The following TOGARAM2 variants were observed in gnomAD, a reference collection of about 807,000 sequenced individuals.
TOGARAM2 encodes TOG array regulator of axonemal microtubules protein 2.
TOGARAM2 carries 85 observed loss-of-function variants against 93.3 expected under a neutral mutation model. The ratio of observed to expected loss-of-function variants is 0.91; its 90% CI spans 0.76 to 1.09. TOGARAM2 has a LOEUF of 1.09. TOGARAM2 is among the 50% of genes least tolerant of loss of function. TOGARAM2 has a pLI of 0.00. For synonymous variants in TOGARAM2, 593 were observed against 552.8 expected (o/e 1.07, Z -1.02); for missense variants, 1,277 against 1,334.5 (o/e 0.96, Z 0.67).
chr2:29,021,801 G>A (rs1271551200), intron 10 of TOGARAM2, among the ~76,000 whole-genome samples: 2 of 151,800 alleles, frequency 1.3e-5, no homozygotes, highest in Non-Finnish European at 2.9e-5. Context: ...TGATGGCTCA[G>A]GGGGCCCCAC....
intron 1 of TOGARAM2, among the ~76,000 whole-genome samples, chr2:28,986,696 C>A (rs1672485892): frequency 6.6e-6 from 1 of 152,178 alleles, no homozygotes; most frequent in African/African-American, 2.4e-5. Context: ...CCAGCCTCAG[C>A]CAGGCCTCTG....
intron 1 of TOGARAM2, among the ~76,000 whole-genome samples, chr2:28,994,416 G>A (rs1672889808): frequency 6.6e-6 from 1 of 152,144 alleles, no homozygotes; most frequent in African/African-American, 2.4e-5. Context: ...GAAACACAGT[G>A]TCAGACACTA....
intron 1 of TOGARAM2, among the ~76,000 whole-genome samples, chr2:28,984,618 G>A (rs1039053844): frequency 5.3e-5 from 8 of 152,216 alleles, no homozygotes; most frequent in African/African-American, 1.9e-4. Flanking sequence ...CAACTGATCA[G>A]CCAAACCCTG....
At chr2:28,961,066 A>ACT (rs1671799562) in intron 1 of TOGARAM2, among the ~76,000 whole-genome samples, 2 of 152,084 alleles carry the variant, frequency 1.3e-5, no homozygotes, top group Non-Finnish European at 2.9e-5. Flanking sequence ...GTGGCTTGGC[A>ACT]GAGTTGGTGC....
chr2:29,012,788 C>A (rs936376265), intron 7 of TOGARAM2, among the ~76,000 whole-genome samples: 1 of 152,230 alleles, frequency 6.6e-6, no homozygotes, highest in Non-Finnish European at 1.5e-5. Flanking sequence ...CTCACAGGGT[C>A]TTGTCTGAAG....
intron 6 of TOGARAM2, among the ~76,000 whole-genome samples, chr2:29,007,248 C>T (rs1173384145): frequency 6.6e-6 from 1 of 152,128 alleles, no homozygotes; most frequent in East Asian, 1.9e-4. Flanking sequence ...TCTCCAGTTT[C>T]TCCTGGCTGA....
chr2:28,982,454 C>T (rs369259003), intron 1 of TOGARAM2, among the ~76,000 whole-genome samples: 2 of 152,164 alleles, frequency 1.3e-5, no homozygotes, highest in Non-Finnish European at 2.9e-5. Flanking sequence ...GGCCCATAAT[C>T]GCTTCTATCC....
chr2:29,040,503 C>T (rs887161713), intron 18 of TOGARAM2, among the ~76,000 whole-genome samples: 1 of 152,022 alleles, frequency 6.6e-6, no homozygotes, highest in African/African-American at 2.4e-5. Flanking sequence ...CTTTAGCATC[C>T]CCTTAGAATG....
At chr2:28,991,126 A>G (rs900792919) in intron 1 of TOGARAM2, among the ~76,000 whole-genome samples, 2 of 151,776 alleles carry the variant, frequency 1.3e-5, no homozygotes, top group Non-Finnish European at 2.9e-5. Context: ...TGTTATTTCT[A>G]ACATTACTTC....
At chr2:29,003,965 C>T (rs778222787) in intron 6 of TOGARAM2, among the ~76,000 whole-genome samples, 22 of 152,206 alleles carry the variant, frequency 1.4e-4, no homozygotes, top group Admixed American at 2.6e-4. Flanking sequence ...ATGAGGTTGC[C>T]GGAGTAATGA....
At chr2:29,040,389 C>A (rs1158888876) in intron 18 of TOGARAM2, among the ~76,000 whole-genome samples, 1 of 152,228 alleles carries the variant, frequency 6.6e-6, no homozygotes, top group Non-Finnish European at 1.5e-5. Flanking sequence ...ATAGTCCCAA[C>A]TCTTCAGAGA....
chr2:29,036,600 G>C lies in TOGARAM2; in HGVS notation c.2478G>C (p.Ala826=). 1 of 1,613,892 alleles carries C rather than the reference G, an allele frequency of 6.2e-7. No individual in the cohort carries two copies. The highest frequency in any genetic ancestry group is 8.5e-7 in the Non-Finnish European group (1 of 1,179,878). ...QDSNKKVNQW[A]LESFAKMIPL... is the part of the protein sequence containing the mutation. ...CCAACAAGAAAGTGAACCAGTGGGC[G>C]CTGGAGTCCTTCGCCAAGATGATCC... Residue 826 remains alanine, a synonymous_variant, in exon 18 of 20, where the codon GCG becomes GCC. Coordinates refer to ENST00000379558, the MANE Select transcript of TOGARAM2 (RefSeq NM_199280.4).
In TOGARAM2 at chr2:29,013,156, C is replaced by G. The variant is rs565849185; in HGVS notation, c.878-1239C>G. Among the ~76,000 whole-genome samples, 7 of 152,336 alleles carry G rather than the reference C, an allele frequency of 4.6e-5. No homozygotes were observed. The South Asian group carries it at 6.2e-4, about 14-fold the overall frequency. ...CTGTGGGTGGCAGAAAATGAATGAACCTGTTTGAGCCCTGCCTTCATAATG... is the reference window on the plus strand; with the variant it reads ...CTGTGGGTGGCAGAAAATGAATGAAGCTGTTTGAGCCCTGCCTTCATAATG... On this transcript the variant is annotated intron_variant, in intron 7 of 19. Transcript: ENST00000379558.
chr2:28,981,707 G>A (rs1173554596), intron 1 of TOGARAM2, among the ~76,000 whole-genome samples, 169 bp downstream of exon 1: 3 of 152,254 alleles, frequency 2.0e-5, no homozygotes, highest in African/African-American at 7.2e-5. Flanking sequence ...GTGTGACCGT[G>A]GGGATGTCTC....
At chr2:28,983,954 G>T (rs1006460386) in intron 1 of TOGARAM2, among the ~76,000 whole-genome samples, 3 of 151,932 alleles carry the variant, frequency 2.0e-5, no homozygotes, top group African/African-American at 7.3e-5. Flanking sequence ...CCTCTGTTGG[G>T]TGCCTCCCTT....
intron 16 of TOGARAM2, among the ~76,000 whole-genome samples, chr2:29,034,426 G>A (rs1665958467): frequency 6.6e-6 from 1 of 152,234 alleles, no homozygotes; most frequent in East Asian, 1.9e-4. Context: ...CCCCGTTGAT[G>A]TATCTATCTT....
intron 10 of TOGARAM2, 131 bp downstream of exon 10, chr2:29,018,087 T>C: frequency 9.3e-7 from 1 of 1,071,544 alleles, no homozygotes; most frequent in East Asian, 2.7e-5. Context: ...GGAGGCAGCC[T>C]GGGGTGGTGG....
At position 29,026,972 on chromosome 2, in the gene TOGARAM2, A is replaced by G. The variant is rs998172062; in HGVS notation, c.1973A>G (p.Asn658Ser). 6.4e-7 allele frequency: 1 copy of G among 1,567,128 alleles called. No individual in the cohort carries two copies. The highest frequency in any genetic ancestry group is 1.4e-5 in the African/African-American group (1 of 73,800). ...TRDSTDMLVHNLVRLAQDSNQ... is the reference protein window; with the variant it reads ...TRDSTDMLVHSLVRLAQDSNQ... ...GACAGCACAGACATGTTGGTGCACA[A>G]CCTGGTGAGGCTGGCACAGGACTCC... The change falls in exon 14 of 20, where the codon AAC becomes AGC. Residue 658 changes from asparagine to serine, a missense_variant. Physicochemically the swap from Asn to Ser is conservative, Grantham distance 46 (BLOSUM62 1). Coordinates refer to ENST00000379558, the MANE Select transcript of TOGARAM2 (RefSeq NM_199280.4).
At chr2:29,016,304 C>T (rs1275462506) in intron 8 of TOGARAM2, among the ~76,000 whole-genome samples, 3 of 152,182 alleles carry the variant, frequency 2.0e-5, no homozygotes, top group African/African-American at 7.2e-5. Context: ...GCCCCACCAC[C>T]TCTTGATTGG....
Sources: gnomAD v4.1 joint callset for allele counts (sites outside exome capture counted in the v4.1 genomes callset) on GRCh38, gnomAD v4.1.1 for gene constraint, MANE v1.5 for transcripts, NCBI Gene and HGNC (gene_info 2026-07-23, HGNC 2026-07-21) for gene names.